The following SLC26A5 variants were observed in gnomAD, a reference collection of about 807,000 sequenced individuals.
The protein encoded by SLC26A5 is solute carrier family 26 member 5, also known as prestin.
A neutral mutation model predicts 81.0 loss-of-function variants in SLC26A5; 51 were observed. The observed-to-expected ratio is 0.63, with a 90% CI of 0.50 to 0.80. SLC26A5 has a LOEUF of 0.80. Ranked by LOEUF, SLC26A5 falls within the 30% of genes least tolerant of loss-of-function variation. The pLI, the probability that SLC26A5 is intolerant of heterozygous loss-of-function variation, is 0.00. For missense variants in SLC26A5, 771 were observed against 905.8 expected (o/e 0.85, Z 1.91); for synonymous variants, 325 against 332.8 (o/e 0.98, Z 0.25).
At chr7:103,391,203 C>T (rs1293526199) in intron 11 of SLC26A5, among the ~76,000 whole-genome samples, 3 of 152,164 alleles carry the variant, frequency 2.0e-5, no homozygotes, top group South Asian at 2.1e-4. Context: ...AGGTCTTGGT[C>T]GAACTAACCA....
In SLC26A5 at chr7:103,426,559, C is replaced by T. The variant is rs370783647; in HGVS notation, c.-53-4992G>A. Among the ~76,000 whole-genome samples, 8 of 152,142 alleles carry T rather than the reference C, an allele frequency of 5.3e-5. No homozygotes were observed. In the South Asian group the frequency reaches 1.2e-3, roughly 24 times the overall value. ...GTTAGGAAGAGACACAGAGAGGAGA[C>T]GATTCTCAAATATTTTTGAGATACT... On this transcript the variant is annotated intron_variant, in intron 2 of 19. Transcript: ENST00000306312.
intron 15 of SLC26A5, among the ~76,000 whole-genome samples, 172 bp downstream of exon 15, chr7:103,380,308 T>G (rs949354072): frequency 1.3e-5 from 2 of 152,188 alleles, no homozygotes; most frequent in Admixed American, 1.3e-4. Flanking sequence ...GAGTAGTTAA[T>G]GCATAGTATA....
chr7:103,399,712 C>T (rs914361365), intron 8 of SLC26A5, among the ~76,000 whole-genome samples: 21 of 152,152 alleles, frequency 1.4e-4, no homozygotes, highest in Admixed American at 1.3e-3. Flanking sequence ...CTAATGCTAT[C>T]CCTCCTCAGC....
intron 2 of SLC26A5, among the ~76,000 whole-genome samples, chr7:103,431,323 C>CT (rs11372947): frequency 0.39 from 57,568 of 147,750 alleles, 15,011 homozygotes; most frequent in African/African-American, 0.74. Flanking sequence ...TTCTTTCTTT[C>CT]TTTTTTTTTT....
At chr7:103,371,456 C>T (rs1178686044), downstream of SLC26A5, among the ~76,000 whole-genome samples, 1 of 150,576 alleles carries the variant, frequency 6.6e-6, no homozygotes, top group African/African-American at 2.4e-5. Context: ...TCCCGAGTAG[C>T]TGGGACTACA....
chr7:103,382,106 C>G (rs1319201880), intron 14 of SLC26A5, among the ~76,000 whole-genome samples: 5 of 152,046 alleles, frequency 3.3e-5, no homozygotes, highest in African/African-American at 1.2e-4. Context: ...TCAAGTTATG[C>G]CAGGGATATA....
At chr7:103,368,192 AGGT>A in intron 19 of SLC26A5, 1 of 796,238 alleles carries the variant, frequency 1.3e-6, no homozygotes, top group Admixed American at 3.2e-5. Flanking sequence ...ATATAATAAA[AGGT>A]GATTTCTAAT....
rs769180143 is a variant in SLC26A5 at position 103,374,425 on chromosome 7, C to T, written c.2209G>A (p.Ala737Thr). The T allele has an allele frequency of 6.2e-7, 1 of 1,612,112 alleles. No individual in the cohort carries two copies. Among genetic ancestry groups the T allele is most frequent in the Admixed American group, 1.7e-5 (1 of 59,964 alleles). ...TATGCCTCAGGAGTGGCAGGAGTGG[C>T]ATTGGGCTCCAAGTCCTCCTGGGAA... is the stretch of plus-strand genomic sequence containing the variant. ...PPSQEDLEPNATPATPEA is the reference protein window; with the variant it reads ...PPSQEDLEPNTTPATPEA Residue 737 changes from alanine to threonine, a missense_variant, in exon 20 of 20, where the codon GCC (alanine) becomes ACC (threonine). Physicochemically the swap from Ala to Thr is moderately conservative, Grantham distance 58. Transcript: ENST00000306312.
At chr7:103,428,203 C>T (rs1431877239) in intron 2 of SLC26A5, among the ~76,000 whole-genome samples, 2 of 152,044 alleles carry the variant, frequency 1.3e-5, no homozygotes, top group Non-Finnish European at 2.9e-5. Flanking sequence ...TTTTTTAAAG[C>T]TCATGGAGTG....
At chr7:103,379,891 T>A (rs1195465608) in intron 15 of SLC26A5, among the ~76,000 whole-genome samples, 1 of 152,194 alleles carries the variant, frequency 6.6e-6, no homozygotes, top group Non-Finnish European at 1.5e-5. Flanking sequence ...AGGAAAAATA[T>A]AGCAATTCTA....
chr7:103,380,456 T>G, intron 15 of SLC26A5, 24 bp downstream of exon 15: 1 of 1,598,226 alleles, frequency 6.3e-7, no homozygotes, highest in Non-Finnish European at 8.6e-7. Flanking sequence ...TACAACCTTT[T>G]TAAGTGATAG....
chr7:103,359,361 C>T (rs1820243156), intron 19 of SLC26A5, among the ~76,000 whole-genome samples: 1 of 151,844 alleles, frequency 6.6e-6, no homozygotes, highest in South Asian at 2.1e-4. Flanking sequence ...GAGGTTCACT[C>T]TTTTAAAGTA....
rs745584024 is a variant in SLC26A5, at chr7:103,377,545, T to C, written c.1986+54A>G. 4.2e-5 allele frequency: 62 copies of C among 1,493,534 alleles called. 1 individual carries two copies. Among genetic ancestry groups the C allele is most frequent in the South Asian group, 3.5e-4 (31 of 88,168 alleles). The allele number at this position is 1,493,534 out of a possible 1,614,324, so 92.5% of individuals were successfully genotyped here. A position where few individuals can be genotyped will look rare whatever the true frequency, so the allele number is the denominator to read the frequency against. On this transcript the variant is annotated intron_variant, in intron 18 of 19. Coordinates refer to ENST00000306312, the MANE Select transcript of SLC26A5 (RefSeq NM_198999.3). Reference sequence around the variant, plus strand: ...TAGCCCACCTCCCTGATTATGCTGATAGTACGACACCAGGCATAGAGGTAT... The same window carrying C: ...TAGCCCACCTCCCTGATTATGCTGACAGTACGACACCAGGCATAGAGGTAT...
intron 19 of SLC26A5, chr7:103,364,199 T>C: frequency 6.2e-7 from 1 of 1,614,188 alleles, no homozygotes; most frequent in Non-Finnish European, 8.5e-7. Flanking sequence ...TGCTCTTTGG[T>C]CCACCCGGTA....
At chr7:103,400,809 TA>T (rs2116565523) in intron 8 of SLC26A5, among the ~76,000 whole-genome samples, 1 of 152,362 alleles carries the variant, frequency 6.6e-6, no homozygotes, top group South Asian at 2.1e-4. Context: ...CACCATTTAT[TA>T]AATAGGGAAT....
At chr7:103,396,122 G>C (rs1823093207) in intron 9 of SLC26A5, among the ~76,000 whole-genome samples, 1 of 152,286 alleles carries the variant, frequency 6.6e-6, no homozygotes, top group East Asian at 1.9e-4. Flanking sequence ...GTACGTGGCA[G>C]GCTAGGATTT....
intron 19 of SLC26A5, among the ~76,000 whole-genome samples, chr7:103,358,935 T>G (rs1820197929): frequency 6.6e-6 from 1 of 151,836 alleles, no homozygotes; most frequent in Admixed American, 6.6e-5. Flanking sequence ...CTCATACTCT[T>G]TGCTTAAAAC....
intron 19 of SLC26A5, chr7:103,352,943 G>C (rs1819807183): frequency 2.6e-6 from 2 of 780,650 alleles, no homozygotes; most frequent in Non-Finnish European, 4.8e-6. Flanking sequence ...CAAGAGGGTA[G>C]AGTGACTTGT....
intron 8 of SLC26A5, 144 bp downstream of exon 8, chr7:103,407,707 G>T (rs992504954): frequency 7.9e-6 from 7 of 885,348 alleles, no homozygotes; most frequent in Non-Finnish European, 1.0e-5. Flanking sequence ...TCTTGTCAAT[G>T]AATTTGTCAA....
Sources: gnomAD v4.1 joint callset for allele counts (sites outside exome capture counted in the v4.1 genomes callset) on GRCh38, gnomAD v4.1.1 for gene constraint, MANE v1.5 for transcripts, NCBI Gene and HGNC (gene_info 2026-07-23, HGNC 2026-07-21) for gene names.